The following CCDC171 variants were observed in gnomAD, a reference collection of about 807,000 sequenced individuals.
CCDC171 encodes coiled-coil domain-containing protein 171.
In CCDC171, 177 loss-of-function variants were observed where a neutral mutation model predicts 168.2. That is an observed-to-expected ratio of 1.05 (90% CI 0.93 to 1.19). CCDC171 has a LOEUF of 1.19. CCDC171 is among the 50% of genes most tolerant of loss of function. The pLI is 0.00. For synonymous variants in CCDC171, 687 were observed against 540.8 expected, an observed-to-expected ratio of 1.27 and a Z score of -3.75; for missense variants, 1,991 against 1,539.0, an observed-to-expected ratio of 1.29 and a Z score of -4.91.
At chr9:15,593,184 G>A (rs536379601) in intron 5 of CCDC171, among the ~76,000 whole-genome samples, 90 of 152,228 alleles carry the variant, frequency 5.9e-4, no homozygotes, top group African/African-American at 2.0e-3. Context: ...TATAAGTTAG[G>A]AGGGTAGTAT....
chr9:15,628,900 T>C (rs2045420830), intron 7 of CCDC171, among the ~76,000 whole-genome samples: 1 of 152,218 alleles, frequency 6.6e-6, no homozygotes, highest in South Asian at 2.1e-4. Flanking sequence ...CAGCCACCGC[T>C]GCTGGTACCC....
chr9:15,569,304 C>G (rs1161420969), intron 2 of CCDC171, among the ~76,000 whole-genome samples: 1 of 152,156 alleles, frequency 6.6e-6, no homozygotes, highest in African/African-American at 2.4e-5. Flanking sequence ...TCAGCTCTGC[C>G]TCTCCCTCAC....
intron 4 of CCDC171, among the ~76,000 whole-genome samples, chr9:15,581,688 C>T (rs1416645740): frequency 6.6e-6 from 1 of 152,028 alleles, no homozygotes; most frequent in Admixed American, 6.6e-5. Flanking sequence ...GGAAAGGATT[C>T]CCTATTTAAT....
At chr9:15,574,364 C>T (rs530559911) in intron 3 of CCDC171, among the ~76,000 whole-genome samples, 8 of 152,104 alleles carry the variant, frequency 5.3e-5, no homozygotes, top group Non-Finnish European at 7.4e-5. Context: ...AGGCTGGTCT[C>T]GAACTCCTGA....
intron 16 of CCDC171, among the ~76,000 whole-genome samples, chr9:15,740,697 C>A (rs1343084990): frequency 6.6e-6 from 1 of 152,074 alleles, no homozygotes; most frequent in Non-Finnish European, 1.5e-5. Context: ...GCCTTGGCCT[C>A]CCAAAGTGCT....
chr9:15,855,879 C>T lies in CCDC171; in HGVS notation c.3468+6932C>T, dbSNP rs73422709. Reference sequence around the variant, plus strand: ...AATTACATTCTTATATATTGTGTGCCCGTCAACATAGTTTATAATGATTGT... The same window carrying T: ...AATTACATTCTTATATATTGTGTGCTCGTCAACATAGTTTATAATGATTGT... On this transcript the variant is annotated intron_variant, in intron 23 of 25. Coordinates refer to ENST00000380701, the MANE Select transcript of CCDC171 (RefSeq NM_173550.4). Among the ~76,000 whole-genome samples the T allele has an allele frequency of 1.6e-4, 24 of 151,926 alleles. 1 individual carries two copies. The highest frequency in any genetic ancestry group is 3.4e-4 in the Non-Finnish European group (23 of 67,886).
intron 23 of CCDC171, among the ~76,000 whole-genome samples, chr9:15,851,404 A>G (rs1328283862): frequency 7.3e-6 from 1 of 136,948 alleles, no homozygotes; most frequent in Admixed American, 7.8e-5. Flanking sequence ...AATGTAGGTC[A>G]GAAGTTAATT....
chr9:15,931,961 T>TTGGTATATG (rs1826574188), intron 25 of CCDC171, among the ~76,000 whole-genome samples: 1 of 151,972 alleles, frequency 6.6e-6, no homozygotes, highest in African/African-American at 2.4e-5. Context: ...TTGGTTTATG[T>TTGGTATATG]GTCTGTTTTT....
intron 8 of CCDC171, among the ~76,000 whole-genome samples, chr9:15,663,772 A>C (rs2048504778): frequency 6.6e-6 from 1 of 151,576 alleles, no homozygotes; most frequent in African/African-American, 2.4e-5. Flanking sequence ...CACCTGGCTA[A>C]TTTTTTTGTA....
chr9:15,900,449 G>A (rs970054538), intron 24 of CCDC171, among the ~76,000 whole-genome samples: 11 of 152,152 alleles, frequency 7.2e-5, no homozygotes, highest in African/African-American at 2.7e-4. Flanking sequence ...GCTTGCAAGA[G>A]GACTCTGCTT....
intron 23 of CCDC171, among the ~76,000 whole-genome samples, chr9:15,850,686 A>C (rs1484208531): frequency 6.6e-6 from 1 of 152,012 alleles, no homozygotes. Flanking sequence ...TGAATGAGTG[A>C]TAAGGAGGTG....
chr9:16,068,654 C>T, the CCDC171 span, among the ~76,000 whole-genome samples: 1 of 152,028 alleles, frequency 6.6e-6, no homozygotes. Context: ...TTAAGAGAAG[C>T]AAACGAGTGA....
At chr9:15,594,320 A>G (rs1241117147) in intron 6 of CCDC171, 148 bp downstream of exon 6, 1 of 557,426 alleles carries the variant, frequency 1.8e-6, no homozygotes, top group Non-Finnish European at 3.1e-6. Flanking sequence ...CTGTTACATG[A>G]CAATAGGGCA....
At chr9:15,910,061 T>G (rs1337501029) in intron 24 of CCDC171, among the ~76,000 whole-genome samples, 1 of 152,142 alleles carries the variant, frequency 6.6e-6, no homozygotes. Flanking sequence ...GTATTTGACT[T>G]TCTGTCTCTG....
chr9:15,668,601 A>G (rs925088282), intron 9 of CCDC171, among the ~76,000 whole-genome samples: 2 of 152,096 alleles, frequency 1.3e-5, no homozygotes, highest in African/African-American at 2.4e-5. Context: ...ACTAAACCCA[A>G]TAATCACTGA....
chr9:15,840,871 A>T (rs1014022470), intron 21 of CCDC171, among the ~76,000 whole-genome samples: 20 of 152,060 alleles, frequency 1.3e-4, no homozygotes, highest in African/African-American at 4.8e-4. Context: ...TGTGCTTTAT[A>T]TGCGAGGCTT....
intron 21 of CCDC171, among the ~76,000 whole-genome samples, chr9:15,802,726 A>G (rs998160527): frequency 2.0e-4 from 30 of 152,260 alleles, no homozygotes; most frequent in Middle Eastern, 6.8e-3. Flanking sequence ...ATATGCATGC[A>G]TGTGCCTTTA....
intron 11 of CCDC171, among the ~76,000 whole-genome samples, chr9:15,719,115 C>G (rs1412468519): frequency 6.6e-6 from 1 of 151,590 alleles, no homozygotes; most frequent in African/African-American, 2.4e-5. Flanking sequence ...AAAATCCTAT[C>G]AGATAAATTT....
intron 7 of CCDC171, among the ~76,000 whole-genome samples, chr9:15,647,282 G>A (rs750519374): frequency 2.0e-5 from 3 of 151,866 alleles, no homozygotes; most frequent in Non-Finnish European, 4.4e-5. Flanking sequence ...AGCACTAAAT[G>A]CCCACAAGAG....
Sources: gnomAD v4.1 joint callset for allele counts (sites outside exome capture counted in the v4.1 genomes callset) on GRCh38, gnomAD v4.1.1 for gene constraint, MANE v1.5 for transcripts, NCBI Gene and HGNC (gene_info 2026-07-23, HGNC 2026-07-21) for gene names.